GCSAML: variants seen among roughly 807,000 people sequenced by gnomAD.
The protein encoded by GCSAML is germinal center-associated signaling and motility-like protein.
A neutral mutation model predicts 13.0 loss-of-function variants in GCSAML; 9 were observed. The ratio of observed to expected loss-of-function variants is 0.69; its 90% CI spans 0.42 to 1.21. GCSAML has a LOEUF of 1.21. GCSAML is among the 50% of genes most tolerant of loss of function. The pLI, the probability that GCSAML is intolerant of heterozygous loss-of-function variation, is 0.00. For missense variants in GCSAML, 143 were observed against 153.4 expected (o/e 0.93, Z 0.36); for synonymous variants, 37 against 52.9 (o/e 0.70, Z 1.31).
At position 247,574,356 on chromosome 1, in the gene GCSAML, G is replaced by A. The variant is rs1427262828; in HGVS notation, c.382G>A (p.Asp128Asn). The change falls in exon 5 of 5, where the codon GAT (aspartate) becomes AAT (asparagine). Residue 128 changes from aspartate to asparagine, a missense_variant. Coordinates refer to ENST00000366488, the MANE Select transcript of GCSAML (RefSeq NM_145278.5). ...GCCTTGTTCCTGCACCCATGAGCAT[G>A]ATTATGAAGTTGTGTTTCCACACTA... ...SRPCSCTHEH[D>N]YEVVFPH 1.2e-6 allele frequency: 2 copies of A among 1,613,948 alleles called. No homozygotes were observed. Among genetic ancestry groups the A allele is most frequent in the Non-Finnish European group, 1.7e-6 (2 of 1,179,982 alleles).
rs1386431070 is a variant in GCSAML at position 247,537,502 on chromosome 1, C to A, written c.-148+10448C>A. Among the ~76,000 whole-genome samples the A allele has an allele frequency of 4.6e-5, 7 of 152,248 alleles. 1 individual carries two copies. In the Middle Eastern group the frequency reaches 0.017, roughly 370 times the overall value. On this transcript the variant is annotated intron_variant, in intron 2 of 5. Coordinates refer to the GCSAML transcript ENST00000366489. ...TCCGTTTCTGATTCTACTGGGTATA[C>A]CTGGGAGTGGAATTGCTAGGTCTTA...
At chr1:247,559,398 G>C (rs1668050122) in intron 2 of GCSAML, among the ~76,000 whole-genome samples, 1 of 151,968 alleles carries the variant, frequency 6.6e-6, no homozygotes, top group Non-Finnish European at 1.5e-5. Flanking sequence ...ACAGTATTAG[G>C]TGTTTGTCGG....
At position 247,577,423 on chromosome 1, in the gene GCSAML, A is replaced by G. The variant is rs114274004; in HGVS notation, c.*3041A>G. The stretch of plus-strand genomic sequence containing the variant: ...GGCAACCAATGATCTGCTTCGTATA[A>G]TTATAACTGTTCTAGATATTTGTAG... On this transcript the variant is annotated 3_prime_UTR_variant, in exon 5 of 5. Coordinates refer to ENST00000366488, the MANE Select transcript of GCSAML (RefSeq NM_145278.5). 1 of 152,186 alleles carries G rather than the reference A, an allele frequency of 6.6e-6. No individual in the cohort carries two copies. Among genetic ancestry groups the G allele is most frequent in the East Asian group, 1.9e-4 (1 of 5,192 alleles). The allele number at this position is 152,186 out of a possible 1,614,324, so 9.4% of individuals were successfully genotyped here.
upstream of GCSAML, among the ~76,000 whole-genome samples, chr1:247,548,679 A>C (rs1031084485): frequency 1.5e-4 from 23 of 152,184 alleles, no homozygotes; most frequent in African/African-American, 5.5e-4. The surrounding 1 kb of genome is among the most constrained non-coding windows in gnomAD (Gnocchi z 5.3). Flanking sequence ...CATATTTGGA[A>C]TCTTGAGATC....
intron 2 of GCSAML, chr1:247,532,460 A>G (rs1351088990): frequency 6.2e-7 from 1 of 1,614,078 alleles, no homozygotes; most frequent in South Asian, 1.1e-5. Flanking sequence ...CGTGTGGAGA[A>G]GCCCAGGAGG....
intron 2 of GCSAML, among the ~76,000 whole-genome samples, chr1:247,562,614 T>G (rs904018628): frequency 3.3e-5 from 5 of 152,204 alleles, no homozygotes; most frequent in African/African-American, 1.2e-4. Flanking sequence ...CTCTCTACTG[T>G]GTACCTAGCT....
At chr1:247,548,769 C>T (rs923493812), upstream of GCSAML, among the ~76,000 whole-genome samples, 22 of 152,208 alleles carry the variant, frequency 1.4e-4, no homozygotes, top group African/African-American at 5.3e-4. The surrounding 1 kb of genome is among the most constrained non-coding windows in gnomAD (Gnocchi z 5.3). Flanking sequence ...AAATGCAACT[C>T]TCTTATTGCA....
chr1:247,533,327 G>A (rs995993200), intron 2 of GCSAML, among the ~76,000 whole-genome samples: 10 of 152,020 alleles, frequency 6.6e-5, no homozygotes, highest in African/African-American at 1.7e-4. Flanking sequence ...CTTCTTGTCC[G>A]TGGCCCCTCA....
chr1:247,532,874 TGG>T (rs35467024), intron 2 of GCSAML, among the ~76,000 whole-genome samples: 84,816 of 139,282 alleles, frequency 0.61, 24,882 homozygotes, highest in East Asian at 0.78. Context: ...AAAGACTGGG[TGG>T]GGGGTGTTCA....
chr1:247,543,878 C>T (rs1315974632), intron 2 of GCSAML, among the ~76,000 whole-genome samples: 1 of 152,146 alleles, frequency 6.6e-6, no homozygotes, highest in Non-Finnish European at 1.5e-5. Flanking sequence ...CAGCTTCAAA[C>T]TCCTGGGCTC....
intron 1 of GCSAML, among the ~76,000 whole-genome samples, chr1:247,508,985 GCT>G (rs929959773): frequency 3.3e-5 from 5 of 152,118 alleles, no homozygotes; most frequent in African/African-American, 1.2e-4. Flanking sequence ...GGCGATTTGG[GCT>G]CTTTTTTTGG....
intron 3 of GCSAML, 104 bp from the exon 4 acceptor site, chr1:247,565,827 A>C: frequency 1.2e-6 from 1 of 866,214 alleles, no homozygotes; most frequent in Non-Finnish European, 1.8e-6. Context: ...CAGTTTTATG[A>C]CTTCTACATT....
chr1:247,558,171 C>A (rs1668014770), intron 2 of GCSAML, among the ~76,000 whole-genome samples: 1 of 152,162 alleles, frequency 6.6e-6, no homozygotes, highest in South Asian at 2.1e-4. Context: ...AGATCTGAAC[C>A]ATTTTACCAT....
upstream of GCSAML, among the ~76,000 whole-genome samples, chr1:247,546,151 T>C (rs1015209207): frequency 6.6e-6 from 1 of 152,030 alleles, no homozygotes; most frequent in African/African-American, 2.4e-5. Context: ...AAATTTTTGT[T>C]TGTTCGTTTT....
intron 2 of GCSAML, chr1:247,529,706 T>TA (rs1180395027): frequency 6.8e-6 from 1 of 146,390 alleles, no homozygotes; most frequent in Non-Finnish European, 1.5e-5. Flanking sequence ...GCCTCGGTGT[T>TA]ACTGTGAAGG....
chr1:247,572,460 G>A (rs532710139), intron 4 of GCSAML, among the ~76,000 whole-genome samples: 3 of 152,250 alleles, frequency 2.0e-5, no homozygotes, highest in South Asian at 2.1e-4. Flanking sequence ...AACCAGGCCC[G>A]TATTCTGCAG....
chr1:247,519,181 T>C (rs1358372490), intron 1 of GCSAML: 1 of 152,264 alleles, frequency 6.6e-6, no homozygotes, highest in African/African-American at 2.4e-5. Context: ...GCAGGTGGAC[T>C]GACTGCCCCA....
rs149853877 is a variant in GCSAML, at chr1:247,517,195, G to A, written c.-262-9745G>A. 1.2e-3 allele frequency among the ~76,000 whole-genome samples: 179 copies of A among 152,330 alleles called. 1 individual carries two copies. Among genetic ancestry groups the A allele is most frequent in the African/African-American group, 4.1e-3 (170 of 41,572 alleles). ...TGTCAGACTAATCATTGAGTCAAGA[G>A]ATTGGACCAAATCTTTAACAATTCA... On this transcript the variant is annotated intron_variant, in intron 1 of 5. Coordinates refer to the GCSAML transcript ENST00000366489.
upstream of GCSAML, among the ~76,000 whole-genome samples, chr1:247,546,512 C>T (rs981724461): frequency 6.6e-6 from 1 of 152,010 alleles, no homozygotes; most frequent in Admixed American, 6.6e-5. Flanking sequence ...GTGCCCGCCA[C>T]CACGCCTGGC....
Sources: gnomAD v4.1 joint callset for allele counts (sites outside exome capture counted in the v4.1 genomes callset) on GRCh38, gnomAD v4.1.1 for gene constraint, Gnocchi (gnomAD v3.1) non-coding constraint, MANE v1.5 for transcripts, NCBI Gene and HGNC (gene_info 2026-07-23, HGNC 2026-07-21) for gene names.